The following HIVEP3 variants were observed in gnomAD, a reference collection of about 807,000 sequenced individuals.
HIVEP3 encodes the protein transcription factor HIVEP3.
HIVEP3 carries 49 observed loss-of-function variants against 152.8 expected under a neutral mutation model. That is an observed-to-expected ratio of 0.32 (90% CI 0.26 to 0.41). The LOEUF (loss-of-function observed/expected upper bound fraction) is 0.41, where lower values mean the gene tolerates loss of function less well. HIVEP3 is among the 10% of genes least tolerant of loss of function. The probability of loss-of-function intolerance (pLI) is 1.00; values close to 1 mark genes in which losing one functional copy is unlikely to be tolerated. For synonymous variants in HIVEP3, 1,269 were observed against 1,289.0 expected (o/e 0.98, Z 0.33); for missense variants, 2,790 against 3,103.3 (o/e 0.90, Z 2.40).
At chr1:41,623,576 C>A (rs1452896775) in intron 3 of HIVEP3, among the ~76,000 whole-genome samples, 1 of 152,208 alleles carries the variant, frequency 6.6e-6, no homozygotes, top group Non-Finnish European at 1.5e-5. Flanking sequence ...CCAAAAACCA[C>A]CAGGCCTGGC....
At chr1:41,908,425 A>G (rs1644747768) in intron 1 of HIVEP3, among the ~76,000 whole-genome samples, 1 of 152,174 alleles carries the variant, frequency 6.6e-6, no homozygotes, top group Admixed American at 6.5e-5. Context: ...ACTAGCACCA[A>G]CTTGTCTTTT....
At chr1:41,638,296 GGAGA>G (rs1015030476) in intron 2 of HIVEP3, among the ~76,000 whole-genome samples, 3 of 98,722 alleles carry the variant, frequency 3.0e-5, no homozygotes, top group Admixed American at 9.7e-5. Context: ...AAGGAAGGAA[GGAGA>G]GAGAAAGAAA....
chr1:41,918,000 C>A (rs926613585), intron 1 of HIVEP3, among the ~76,000 whole-genome samples: 1 of 152,230 alleles, frequency 6.6e-6, no homozygotes, highest in Non-Finnish European at 1.5e-5. Context: ...ATGCCTAAGC[C>A]CCCCAGCCGA....
chr1:41,605,350 A>T lies in HIVEP3; in HGVS notation c.-521-20032T>A, dbSNP rs1236049987. On this transcript the variant is annotated intron_variant, in intron 3 of 8. Transcript: ENST00000372583. ...TCCACATCTTGATGTGGTTACATAG[A>T]TATTACATACACACACGCACACGCG... Among the ~76,000 whole-genome samples the T allele has an allele frequency of 2.0e-5, 3 of 149,372 alleles. No individual in the cohort carries two copies. The East Asian group carries it at 5.9e-4, about 30-fold the overall frequency.
chr1:41,687,049 T>C (rs1646125386), intron 2 of HIVEP3, among the ~76,000 whole-genome samples: 1 of 151,984 alleles, frequency 6.6e-6, no homozygotes, highest in Non-Finnish European at 1.5e-5. Flanking sequence ...TGCTGCCATG[T>C]TAAGTAGGGG....
intron 5 of HIVEP3, among the ~76,000 whole-genome samples, chr1:41,563,466 T>G (rs954695397): frequency 6.6e-6 from 1 of 152,094 alleles, no homozygotes; most frequent in African/African-American, 2.4e-5. Flanking sequence ...TTCCTGCGGC[T>G]TCCAGAACAT....
At chr1:41,694,015 T>C (rs1004982649) in intron 2 of HIVEP3, among the ~76,000 whole-genome samples, 2 of 152,184 alleles carry the variant, frequency 1.3e-5, no homozygotes, top group African/African-American at 4.8e-5. Context: ...CCAACACTGA[T>C]TTTTTTTCTA....
At chr1:41,878,723 T>TCCTTCCTCTCCTTCCCCCCTC in intron 1 of HIVEP3, among the ~76,000 whole-genome samples, 1 of 131,014 alleles carries the variant, frequency 7.6e-6, no homozygotes, top group Non-Finnish European at 1.6e-5. Flanking sequence ...CTCCCTCCCT[T>TCCTTCCTCTCCTTCCCCCCTC]CCTTCCTCTC....
intron 1 of HIVEP3, among the ~76,000 whole-genome samples, chr1:41,871,556 G>C (rs1183871285): frequency 6.6e-6 from 1 of 152,206 alleles, no homozygotes; most frequent in Non-Finnish European, 1.5e-5. Context: ...TAAACAGTAA[G>C]TGAACAATGA....
chr1:41,536,204 C>T (rs1201437018), intron 5 of HIVEP3, among the ~76,000 whole-genome samples: 1 of 152,080 alleles, frequency 6.6e-6, no homozygotes, highest in Non-Finnish European at 1.5e-5. Context: ...GGCTCCCCGT[C>T]ACTAGCACTG....
At chr1:41,851,807 C>G (rs1472665880) in intron 1 of HIVEP3, among the ~76,000 whole-genome samples, 1 of 152,188 alleles carries the variant, frequency 6.6e-6, no homozygotes, top group Non-Finnish European at 1.5e-5. Flanking sequence ...TACTTCTCAG[C>G]TCTGGTGTCC....
chr1:41,546,816 G>A (rs1643814110), intron 5 of HIVEP3, among the ~76,000 whole-genome samples: 1 of 152,210 alleles, frequency 6.6e-6, no homozygotes. Flanking sequence ...AGCAGCACTG[G>A]CCCGGCCTGG....
intron 1 of HIVEP3, among the ~76,000 whole-genome samples, chr1:41,824,772 TATATATATATATAGAG>T (rs1487459760): frequency 1.4e-4 from 2 of 14,446 alleles, no homozygotes; most frequent in Non-Finnish European, 1.7e-4. Flanking sequence ...TATATATATA[TATATATATATATAGAG>T]AGAGAGAGAG....
At chr1:41,860,208 C>T (rs192172019) in intron 1 of HIVEP3, among the ~76,000 whole-genome samples, 73 of 152,270 alleles carry the variant, frequency 4.8e-4, no homozygotes, top group African/African-American at 1.6e-3. Context: ...AGAGTCAAAT[C>T]GACATGGTTA....
intron 3 of HIVEP3, among the ~76,000 whole-genome samples, chr1:41,602,294 T>C (rs184381812): frequency 2.6e-5 from 4 of 152,280 alleles, no homozygotes; most frequent in Admixed American, 2.6e-4. Flanking sequence ...TCTTCAATTT[T>C]TTTTGGAAGA....
intron 1 of HIVEP3, among the ~76,000 whole-genome samples, chr1:41,870,405 T>C (rs1465878437): frequency 1.3e-5 from 2 of 152,220 alleles, no homozygotes; most frequent in Non-Finnish European, 2.9e-5. Flanking sequence ...ACTGATTTAC[T>C]GTCTGTCACC....
intron 2 of HIVEP3, among the ~76,000 whole-genome samples, chr1:41,675,037 A>T (rs1315935552): frequency 6.6e-6 from 1 of 152,016 alleles, no homozygotes; most frequent in African/African-American, 2.4e-5. Flanking sequence ...CTGGCTTCTC[A>T]TTTATAGAAC....
upstream of HIVEP3, among the ~76,000 whole-genome samples, chr1:41,922,991 TAA>T (rs1644949359): frequency 6.6e-6 from 1 of 151,942 alleles, no homozygotes; most frequent in African/African-American, 2.4e-5. Flanking sequence ...ACAAAAACAG[TAA>T]AAGAGTCATT....
At chr1:41,801,722 GCA>G (rs774867573) in intron 1 of HIVEP3, among the ~76,000 whole-genome samples, 2 of 151,718 alleles carry the variant, frequency 1.3e-5, no homozygotes, top group Non-Finnish European at 2.9e-5. Context: ...CCGGCCTGGG[GCA>G]CAGAGTGAGA....
Sources: gnomAD v4.1 joint callset for allele counts (sites outside exome capture counted in the v4.1 genomes callset) on GRCh38, gnomAD v4.1.1 for gene constraint, MANE v1.5 for transcripts, NCBI Gene and HGNC (gene_info 2026-07-23, HGNC 2026-07-21) for gene names.